Variants in CSTPP1 observed in about 807,000 individuals in gnomAD.
CSTPP1 encodes the protein UPF0705 protein C11orf49.
chr11:47,121,186 G>A, the CSTPP1 span, among the ~76,000 whole-genome samples: 1 of 152,136 alleles, frequency 6.6e-6, no homozygotes, highest in African/African-American at 2.4e-5. Context: ...CTGCCTCTCT[G>A]TTAGGTCATG....
chr11:47,119,681 G>A, the CSTPP1 span, among the ~76,000 whole-genome samples: 31,017 of 144,650 alleles, frequency 0.21, 4,473 homozygotes, highest in East Asian at 0.66. Flanking sequence ...GTGCGAGCTC[G>A]GCTCACCACA....
the CSTPP1 span, among the ~76,000 whole-genome samples, chr11:47,059,023 C>T: frequency 2.8e-4 from 43 of 152,220 alleles, no homozygotes; most frequent in African/African-American, 6.7e-4. Flanking sequence ...TAAAAAGGAA[C>T]GAGATCGTGT....
At chr11:47,052,261 T>A in the CSTPP1 span, 1 of 1,224,808 alleles carries the variant, frequency 8.2e-7, no homozygotes, top group Non-Finnish European at 1.1e-6. Flanking sequence ...AATCTAGAGT[T>A]CAGAGTTTTG....
chr11:47,142,192 G>A, the CSTPP1 span, among the ~76,000 whole-genome samples: 16 of 150,492 alleles, frequency 1.1e-4, no homozygotes, highest in Admixed American at 8.6e-4. Flanking sequence ...GCAGTGAGCC[G>A]AGATCGCGCC....
At chr11:47,114,182 C>A in the CSTPP1 span, among the ~76,000 whole-genome samples, 1 of 152,028 alleles carries the variant, frequency 6.6e-6, no homozygotes, top group Admixed American at 6.6e-5. Flanking sequence ...ATTTCTGAGG[C>A]CTCTGTTCTG....
chr11:46,958,783 T>C, the CSTPP1 span, among the ~76,000 whole-genome samples: 2 of 152,156 alleles, frequency 1.3e-5, no homozygotes, highest in African/African-American at 4.8e-5. Flanking sequence ...AGGAGCAGTG[T>C]GCTGGTATAA....
the CSTPP1 span, chr11:47,130,753 AG>A: frequency 6.6e-6 from 1 of 152,472 alleles, no homozygotes; most frequent in Admixed American, 6.5e-5. Flanking sequence ...AGGGATTGGA[AG>A]GGGTGGTGTG....
At chr11:47,056,027 T>C in the CSTPP1 span, among the ~76,000 whole-genome samples, 1 of 152,178 alleles carries the variant, frequency 6.6e-6, no homozygotes, top group Non-Finnish European at 1.5e-5. Context: ...TCAGCAAATA[T>C]TTGTTTTAGA....
chr11:46,977,675 T>C, the CSTPP1 span, among the ~76,000 whole-genome samples: 9 of 152,196 alleles, frequency 5.9e-5, no homozygotes, highest in Non-Finnish European at 1.0e-4. Flanking sequence ...TGTGCTTCCA[T>C]TTTGTCTAAA....
At chr11:47,154,124 G>A in the CSTPP1 span, among the ~76,000 whole-genome samples, 2 of 151,994 alleles carry the variant, frequency 1.3e-5, no homozygotes, top group East Asian at 3.9e-4. Flanking sequence ...TTTAGTAGAA[G>A]TGGGGTTTCA....
At chr11:47,137,574 G>T in the CSTPP1 span, 8 of 1,610,668 alleles carry the variant, frequency 5.0e-6, no homozygotes, top group South Asian at 7.7e-5. Context: ...TGAAACTCAT[G>T]AAATGAACAA....
chr11:47,080,649 T>G, the CSTPP1 span, among the ~76,000 whole-genome samples: 1 of 152,302 alleles, frequency 6.6e-6, no homozygotes, highest in East Asian at 1.9e-4. Flanking sequence ...AATTGAAATC[T>G]ATTATAAACA....
the CSTPP1 span, among the ~76,000 whole-genome samples, chr11:46,990,403 G>C: frequency 6.6e-6 from 1 of 152,156 alleles, no homozygotes; most frequent in South Asian, 2.1e-4. Context: ...GAGTGATAAT[G>C]AGCATTTTTT....
the CSTPP1 span, among the ~76,000 whole-genome samples, chr11:47,036,823 G>A: frequency 7.9e-6 from 1 of 127,080 alleles, no homozygotes. Flanking sequence ...GATTACAGGC[G>A]AGTGCCACCA....
At chr11:47,155,377 G>T in the CSTPP1 span, 23 of 935,854 alleles carry the variant, frequency 2.5e-5, no homozygotes, top group Middle Eastern at 2.6e-4. Context: ...ACTTCCTTTG[G>T]GGGTGTGCTT....
chr11:46,971,724 C>T, the CSTPP1 span, among the ~76,000 whole-genome samples: 1 of 151,932 alleles, frequency 6.6e-6, no homozygotes, highest in South Asian at 2.1e-4. Flanking sequence ...GCAGGAGGAT[C>T]GCTTGAGCCT....
the CSTPP1 span, among the ~76,000 whole-genome samples, chr11:46,941,266 G>C: frequency 6.6e-6 from 1 of 152,144 alleles, no homozygotes; most frequent in Non-Finnish European, 1.5e-5. Context: ...TTTGTCTTTA[G>C]TTGAGAACTA....
chr11:47,065,542 C>T, the CSTPP1 span, among the ~76,000 whole-genome samples: 2 of 152,162 alleles, frequency 1.3e-5, no homozygotes, highest in East Asian at 3.9e-4. Flanking sequence ...CCTTCCAAAG[C>T]AGAGGGGTTG....
At chr11:47,029,380 G>A in the CSTPP1 span, among the ~76,000 whole-genome samples, 25 of 152,038 alleles carry the variant, frequency 1.6e-4, no homozygotes, top group Non-Finnish European at 2.8e-4. Flanking sequence ...GCTGAGGTGG[G>A]CAGATCACCT....
Sources: allele counts gnomAD v4.1 joint callset (sites outside exome capture counted in the v4.1 genomes callset), GRCh38; gene constraint gnomAD v4.1.1; transcripts MANE v1.5; gene names NCBI Gene and HGNC (gene_info 2026-07-23, HGNC 2026-07-21).